COG7: variants seen among roughly 807,000 people sequenced by gnomAD.
COG7 encodes the protein component of oligomeric golgi complex 7, also known as conserved oligomeric Golgi complex subunit 7.
In COG7, 49 loss-of-function variants were observed where a neutral mutation model predicts 91.5. That is an observed-to-expected ratio of 0.54 (90% CI 0.43 to 0.68). The LOEUF is 0.68. Ranked by LOEUF, COG7 falls within the 30% of genes least tolerant of loss-of-function variation. The pLI is 0.00. For missense variants in COG7, 895 were observed against 961.3 expected (o/e 0.93, Z 0.91); for synonymous variants, 365 against 388.7 (o/e 0.94, Z 0.72).
intron 4 of COG7, among the ~76,000 whole-genome samples, chr16:23,439,555 C>G (rs904082329): frequency 6.6e-6 from 1 of 152,092 alleles, no homozygotes; most frequent in Non-Finnish European, 1.5e-5. Context: ...TTGACACATG[C>G]TACACCATGG....
chr16:23,446,321 G>A (rs1596958672), intron 1 of COG7: 1 of 337,010 alleles, frequency 3.0e-6, no homozygotes, highest in East Asian at 7.2e-5. Flanking sequence ...TGTCCACGGC[G>A]GTCATTAGCA....
chr16:23,429,238 C>A (rs1173799752), intron 6 of COG7, among the ~76,000 whole-genome samples: 2 of 152,162 alleles, frequency 1.3e-5, no homozygotes, highest in Non-Finnish European at 2.9e-5. Flanking sequence ...AATCCTCCTG[C>A]CTTGGCCTCC....
chr16:23,390,613 T>C (rs1039520431), intron 16 of COG7, among the ~76,000 whole-genome samples: 3 of 152,018 alleles, frequency 2.0e-5, no homozygotes, highest in African/African-American at 7.3e-5. Context: ...GTTTTGTTTT[T>C]AATATTTTGT....
rs1964293571 is a variant in COG7 at position 23,453,069 on chromosome 16, C to G, written c.-75G>C. On this transcript the variant is annotated 5_prime_UTR_variant, in exon 1 of 17. Transcript: ENST00000307149. ...GCGGCAACGGGGATGCAGAAGCGAG[C>G]GAGCCTGCGAGAGCACCGAGGCTAG... is the stretch of plus-strand genomic sequence containing the variant. 5 of 1,597,620 alleles carry G rather than the reference C, an allele frequency of 3.1e-6. No individual in the cohort carries two copies. In the Admixed American group the frequency reaches 8.6e-5, roughly 27 times the overall value.
At chr16:23,392,651 C>T (rs1963218471) in intron 15 of COG7, 128 bp from the exon 16 acceptor site, 1 of 1,072,692 alleles carries the variant, frequency 9.3e-7, no homozygotes, top group South Asian at 1.3e-5. Context: ...ATCTTAGGGC[C>T]AGGTGCAGTG....
At chr16:23,397,934 C>T (rs1963310880) in intron 14 of COG7, 112 bp downstream of exon 14, 3 of 918,470 alleles carry the variant, frequency 3.3e-6, no homozygotes, top group Non-Finnish European at 5.3e-6. Flanking sequence ...CACAGGCTAC[C>T]CAAAAGGGTC....
chr16:23,452,929 C>T lies in COG7; in HGVS notation c.66G>A (p.Arg22=), dbSNP rs144356201. The change falls in exon 1 of 17, where the codon AGG becomes AGA. Residue 22 remains arginine (R), a synonymous_variant. Coordinates refer to ENST00000307149, the MANE Select transcript of COG7 (RefSeq NM_153603.4). ...CGGACGCCGCCTCCTTGGAGCCGGC[C>T]CTGAAGGCCGCATTGATCCACTCCT... The part of the protein sequence containing the change: ...DVKEWINAAF[R]AGSKEAASGK... 7.4e-6 allele frequency: 12 copies of T among 1,614,072 alleles called. No homozygotes were observed. The highest frequency in any genetic ancestry group is 1.7e-4 in the Middle Eastern group (1 of 6,056).
intron 1 of COG7, among the ~76,000 whole-genome samples, chr16:23,450,937 T>C (rs1160247556): frequency 1.3e-5 from 2 of 152,178 alleles, no homozygotes; most frequent in South Asian, 2.1e-4. Context: ...CTCATGCCTG[T>C]AATCCCAGCA....
At chr16:23,432,092 A>G (rs910688992) in intron 6 of COG7, among the ~76,000 whole-genome samples, 1 of 152,122 alleles carries the variant, frequency 6.6e-6, no homozygotes, top group Non-Finnish European at 1.5e-5. Context: ...GGCTGCAGTG[A>G]GCCATGATCA....
intron 6 of COG7, 46 bp from the exon 7 acceptor site, chr16:23,424,993 T>C (rs759732259): frequency 2.0e-6 from 3 of 1,525,658 alleles, no homozygotes; most frequent in East Asian, 2.4e-5. Flanking sequence ...TGGAGCCAAA[T>C]AGGAGCCCAC....
rs1484413142 is a variant in COG7, at chr16:23,388,828, C to T, written c.*92G>A. On this transcript the variant is annotated 3_prime_UTR_variant, in exon 17 of 17. Coordinates refer to ENST00000307149, the MANE Select transcript of COG7 (RefSeq NM_153603.4). The stretch of plus-strand genomic sequence containing the variant: ...CCAAGTCTTTTTAAAGTAACTTCTG[C>T]CCAATCTTGGGCAGAGTTTCTGAGC... 3.1e-6 allele frequency: 5 copies of T among 1,597,122 alleles called. No individual in the cohort carries two copies. Among genetic ancestry groups the T allele is most frequent in the Non-Finnish European group, 4.3e-6 (5 of 1,173,374 alleles).
intron 12 of COG7, among the ~76,000 whole-genome samples, chr16:23,405,301 G>A (rs916045812): frequency 2.0e-5 from 3 of 152,118 alleles, no homozygotes. Context: ...AAAGAGTAAT[G>A]ACTTCTCTTG....
chr16:23,406,403 A>C, intron 11 of COG7, 141 bp from the exon 12 acceptor site: 1 of 768,420 alleles, frequency 1.3e-6, no homozygotes, highest in Middle Eastern at 2.8e-4. Context: ...TAAGGCAACG[A>C]AAGGCTGCCC....
At chr16:23,402,653 T>C (rs1963397101) in intron 13 of COG7, among the ~76,000 whole-genome samples, 1 of 152,234 alleles carries the variant, frequency 6.6e-6, no homozygotes, top group South Asian at 2.1e-4. Flanking sequence ...GCCTCATTTC[T>C]GCTACAGCTC....
At position 23,388,826 on chromosome 16, in the gene COG7, T is replaced by G. The variant is rs1596900027; in HGVS notation, c.*94A>C. 1 of 1,595,378 alleles carries G rather than the reference T, an allele frequency of 6.3e-7. No individual in the cohort carries two copies. Among genetic ancestry groups the G allele is most frequent in the East Asian group, 2.2e-5 (1 of 44,500 alleles). ...AACCAAGTCTTTTTAAAGTAACTTC[T>G]GCCCAATCTTGGGCAGAGTTTCTGA... is the stretch of plus-strand genomic sequence containing the variant. On this transcript the variant is annotated 3_prime_UTR_variant, in exon 17 of 17. Transcript: ENST00000307149.
intron 7 of COG7, among the ~76,000 whole-genome samples, chr16:23,420,552 G>C (rs149021788): frequency 2.0e-5 from 3 of 151,886 alleles, no homozygotes; most frequent in Admixed American, 6.6e-5. Context: ...GACCGGCTTC[G>C]TCCCTTCCCC....
chr16:23,444,149 A>G (rs1233423097), intron 3 of COG7, among the ~76,000 whole-genome samples: 1 of 152,124 alleles, frequency 6.6e-6, no homozygotes, highest in Non-Finnish European at 1.5e-5. Flanking sequence ...AAAGAAAAAA[A>G]AAAAAAGAAA....
intron 3 of COG7, among the ~76,000 whole-genome samples, chr16:23,443,103 T>C (rs565743965): frequency 6.6e-6 from 1 of 152,214 alleles, no homozygotes; most frequent in African/African-American, 2.4e-5. Flanking sequence ...GTCATTTTCC[T>C]CCTAACAAAT....
intron 1 of COG7, 46 bp from the exon 2 acceptor site, chr16:23,446,007 A>G: frequency 1.3e-6 from 2 of 1,593,882 alleles, no homozygotes; most frequent in Non-Finnish European, 1.7e-6. Context: ...AGCGATAGCC[A>G]CAAAAGGTGA....
Sources: allele counts gnomAD v4.1 joint callset (sites outside exome capture counted in the v4.1 genomes callset), GRCh38; gene constraint gnomAD v4.1.1; transcripts MANE v1.5; gene names NCBI Gene and HGNC (gene_info 2026-07-23, HGNC 2026-07-21).